MYH6: variants seen among roughly 807,000 people sequenced by gnomAD.
MYH6 encodes the protein myosin heavy chain 6.
In MYH6, 126 loss-of-function variants were observed where a neutral mutation model predicts 223.2. The ratio of observed to expected loss-of-function variants is 0.56; its 90% CI spans 0.49 to 0.65. The LOEUF (loss-of-function observed/expected upper bound fraction) is 0.65. Ranked by LOEUF, MYH6 falls within the 30% of genes least tolerant of loss-of-function variation. The pLI is 0.00. For missense variants in MYH6, 2,040 were observed against 2,536.4 expected (o/e 0.80, Z 4.20); for synonymous variants, 978 against 1,010.2 (o/e 0.97, Z 0.61).
chr14:23,401,942 G>T (rs1231906965), intron 12 of MYH6, among the ~76,000 whole-genome samples: 5 of 152,196 alleles, frequency 3.3e-5, no homozygotes, highest in Non-Finnish European at 7.3e-5. Context: ...TGAAGGTAGG[G>T]AGGAATGTTC....
chr14:23,397,708 G>T, intron 15 of MYH6, 95 bp from the exon 16 acceptor site: 1 of 1,277,092 alleles, frequency 7.8e-7, no homozygotes, highest in South Asian at 1.2e-5. Flanking sequence ...GTAGCTCTGA[G>T]ACTTTGGGCA....
In MYH6 at chr14:23,389,377, C is replaced by G. The variant is rs1891154268; in HGVS notation, c.3978+16G>C. On this transcript the variant is annotated intron_variant, in intron 28 of 38. Transcript: ENST00000405093. ...GGCTGCCATCAAGCCTGCCCACCCT[C>G]CCCACTGGGCCTCACCTTGCCCTCC... The G allele has an allele frequency of 6.2e-7, 1 of 1,613,016 alleles. No individual in the cohort carries two copies. The highest frequency in any genetic ancestry group is 8.5e-7 in the Non-Finnish European group (1 of 1,179,056).
chr14:23,398,824 T>C lies in MYH6; in HGVS notation c.1795A>G (p.Lys599Glu). ...ACAACAGTCTCGTTGAGAGGATCCT[T>C]GTTTTTTTCCAGCCAGCCCAGGATG... is the stretch of plus-strand genomic sequence containing the variant. ...YNILGWLEKN[K>E]DPLNETVVAL... Residue 599 changes from lysine to glutamate, a missense_variant, in exon 15 of 39, where the codon AAG (lysine) becomes GAG (glutamate). This residue lies in a region of MYH6 where 649 missense variants were observed against 877.3 expected (regional missense o/e 0.74). Coordinates refer to ENST00000405093, the MANE Select transcript of MYH6 (RefSeq NM_002471.4). The C allele has an allele frequency of 6.2e-7, 1 of 1,614,188 alleles. No individual in the cohort carries two copies. Among genetic ancestry groups the C allele is most frequent in the Non-Finnish European group, 8.5e-7 (1 of 1,180,022 alleles).
rs779614256 is a variant in MYH6 at position 23,397,062 on chromosome 14, AG to A, written c.2068del (p.Leu690TrpfsTer38). The stretch of plus-strand genomic sequence containing the variant: ...ATTGCAGCGCAGCTGGTGCATGACC[AG>A]GGGGTTGTCCATCACCCCTGTGTCA... ...RKAPGVMDNPLVMHQLRCNGV... is the reference protein window; with the variant it reads ...RKAPGVMDNPXVMHQLRCNGV... On this transcript the variant is annotated frameshift_variant, in exon 18 of 39. Transcript: ENST00000405093. LOFTEE classifies it high-confidence loss of function. 3 of 1,614,092 alleles carry A rather than the reference AG, an allele frequency of 1.9e-6. No individual in the cohort carries two copies. The African/African-American group carries it at 4.0e-5, about 22-fold the overall frequency.
Position 23,400,388 on chromosome 14 carries a change from G to T in MYH6, c.1449C>A (p.Asn483Lys), listed in dbSNP as rs145447555. The change falls in exon 14 of 39, where the codon AAC becomes AAA. Residue 483 changes from asparagine (N) to lysine (K), a missense_variant. This residue lies in a region of MYH6 where 649 missense variants were observed against 877.3 expected (regional missense o/e 0.74). Coordinates refer to ENST00000405093, the MANE Select transcript of MYH6 (RefSeq NM_002471.4). Reference sequence around the variant, plus strand: ...GGTTGAAGAACTGCTGCAGCTTCTCGTTGGTGAAGTTGATGCAGAGCTGCT... The same window carrying T: ...GGTTGAAGAACTGCTGCAGCTTCTCTTTGGTGAAGTTGATGCAGAGCTGCT... ...SFEQLCINFT[N>K]EKLQQFFNHH... 1 of 1,614,196 alleles carries T rather than the reference G, an allele frequency of 6.2e-7. No individual in the cohort carries two copies. The highest frequency in any genetic ancestry group is 8.5e-7 in the Non-Finnish European group (1 of 1,180,030).
rs1213492544 is a variant in MYH6, at chr14:23,382,014, G to T, written c.*26C>A. On this transcript the variant is annotated 3_prime_UTR_variant, in exon 39 of 39. Coordinates refer to ENST00000405093, the MANE Select transcript of MYH6 (RefSeq NM_002471.4). ...TGGCACTCATATTTATTACAGGTTG[G>T]CAAGAGTGAGGTTCCCGAGGCAGTG... 6.2e-7 allele frequency: 1 copy of T among 1,614,004 alleles called. No homozygotes were observed. Among genetic ancestry groups the T allele is most frequent in the Non-Finnish European group, 8.5e-7 (1 of 1,180,026 alleles).
intron 14 of MYH6, 40 bp downstream of exon 14, chr14:23,400,215 TG>T: frequency 6.2e-7 from 1 of 1,614,080 alleles, no homozygotes; most frequent in Non-Finnish European, 8.5e-7. Flanking sequence ...TTTGTCTGGA[TG>T]GCAGAGGAGG....
chr14:23,396,848 G>C (rs763988715), intron 18 of MYH6, 31 bp from the exon 19 acceptor site: 4 of 1,613,668 alleles, frequency 2.5e-6, no homozygotes, highest in Non-Finnish European at 3.4e-6. Context: ...AGTCACCCAT[G>C]CTCTGCAGTG....
rs28730764 is a variant in MYH6, at chr14:23,386,148, T to A, written c.4960-17A>T. ...CTGGGTGTCCTGAGCATCAGGAGAGTGGGTGTGAGCAGAAGCCAGCCTCGG... is the reference window on the plus strand; with the variant it reads ...CTGGGTGTCCTGAGCATCAGGAGAGAGGGTGTGAGCAGAAGCCAGCCTCGG... On this transcript the variant is annotated splice_polypyrimidine_tract_variant and intron_variant, in intron 33 of 38. Coordinates refer to ENST00000405093, the MANE Select transcript of MYH6 (RefSeq NM_002471.4). The A allele has an allele frequency of 0.011, 17,386 of 1,613,188 alleles. 606 individuals carry two copies. In the African/African-American group the frequency reaches 0.12, roughly 11 times the overall value.
intron 32 of MYH6, among the ~76,000 whole-genome samples, chr14:23,387,198 A>T (rs1292477543): frequency 6.6e-6 from 1 of 152,224 alleles, no homozygotes; most frequent in African/African-American, 2.4e-5. Context: ...CTGCAGTGAA[A>T]GTCCTCAAGC....
chr14:23,397,405 A>T, intron 16 of MYH6, 138 bp downstream of exon 16: 1 of 1,269,272 alleles, frequency 7.9e-7, no homozygotes, highest in Non-Finnish European at 1.1e-6. Context: ...CTTTTGTGGA[A>T]TCTACACACT....
rs986795673 is a variant in MYH6 at position 23,388,469 on chromosome 14, C to T, written c.4176-131G>A. On this transcript the variant is annotated intron_variant, in intron 29 of 38. Transcript: ENST00000405093. ...AAGTCCAGCCTAGCAGGAGCTGAGCCTGCTCATGCCTGGAACAGAGTCCGC... is the reference window on the plus strand; with the variant it reads ...AAGTCCAGCCTAGCAGGAGCTGAGCTTGCTCATGCCTGGAACAGAGTCCGC... 3 of 1,418,686 alleles carry T rather than the reference C, an allele frequency of 2.1e-6. No homozygotes were observed. In the African/African-American group the frequency reaches 4.2e-5, roughly 20 times the overall value. The allele number at this position is 1,418,686 out of a possible 1,614,324, so 87.9% of individuals were successfully genotyped here.
At position 23,393,007 on chromosome 14, in the gene MYH6, T is replaced by C; in HGVS notation, c.3156A>G (p.Arg1052=). 1.2e-6 allele frequency: 2 copies of C among 1,614,228 alleles called. No homozygotes were observed. Among genetic ancestry groups the C allele is most frequent in the Non-Finnish European group, 1.7e-6 (2 of 1,180,048 alleles). ...QEKKVRMDLE[R]AKRKLEGDLK... is the part of the protein sequence containing the mutation. ...GGTCGCCCTCCAGTTTCCGCTTTGCTCGCTCCAGGTCCATGCGCACCTTCT... is the reference window on the plus strand; with the variant it reads ...GGTCGCCCTCCAGTTTCCGCTTTGCCCGCTCCAGGTCCATGCGCACCTTCT... The change falls in exon 24 of 39, where the codon CGA becomes CGG. Residue 1052 remains arginine (R), a synonymous_variant. Coordinates refer to ENST00000405093, the MANE Select transcript of MYH6 (RefSeq NM_002471.4).
In MYH6 at chr14:23,407,269, T is replaced by A; in HGVS notation, c.-13-33A>T. 6.2e-7 allele frequency: 1 copy of A among 1,611,400 alleles called. No individual in the cohort carries two copies. The highest frequency in any genetic ancestry group is 8.5e-7 in the Non-Finnish European group (1 of 1,178,298). On this transcript the variant is annotated intron_variant, in intron 2 of 38. Transcript: ENST00000405093. This position sits in a 1 kb window ranked among gnomAD's most constrained non-coding sequence, Gnocchi z 5.6. Reference sequence around the variant, plus strand: ...AGAGACAGGAGGGCTATGTTACTCCTGAGGGAGCCCAGGCTCCAGCGAGTG... The same window carrying A: ...AGAGACAGGAGGGCTATGTTACTCCAGAGGGAGCCCAGGCTCCAGCGAGTG...
Position 23,407,358 on chromosome 14 carries a change from T to C in MYH6, c.-13-122A>G. The C allele has an allele frequency of 1.6e-6, 2 of 1,222,922 alleles. No homozygotes were observed. Among genetic ancestry groups the C allele is most frequent in the Non-Finnish European group, 2.3e-6 (2 of 858,258 alleles). 75.8% of individuals were successfully genotyped at this position (1,222,922 alleles called of 1,614,324 possible). A position where few individuals can be genotyped will look rare whatever the true frequency, so the allele number is the denominator to read the frequency against. On this transcript the variant is annotated intron_variant, in intron 2 of 38. Transcript: ENST00000405093. This position sits in a 1 kb window ranked among gnomAD's most constrained non-coding sequence, Gnocchi z 5.6. ...TCTCCTCCACCCTGGGAGAGGCACC[T>C]GCTGTTGCACCCTCCCCTACTCAGG...
At chr14:23,388,090 C>T in intron 30 of MYH6, 65 bp downstream of exon 30, 1 of 1,611,464 alleles carries the variant, frequency 6.2e-7, no homozygotes, top group South Asian at 1.1e-5. Context: ...TGCCTTTGGC[C>T]TCTCACTGAA....
Position 23,398,816 on chromosome 14 carries a change from A to G in MYH6, c.1803T>C (p.Pro601=), listed in dbSNP as rs768731877. The change falls in exon 15 of 39, where the codon CCT becomes CCC. Residue 601 remains proline (P), a synonymous_variant. Transcript: ENST00000405093. ...ILGWLEKNKD[P]LNETVVALYQ... ...ACAGGGCCACAACAGTCTCGTTGAG[A>G]GGATCCTTGTTTTTTTCCAGCCAGC... 6 of 1,614,144 alleles carry G rather than the reference A, an allele frequency of 3.7e-6. No homozygotes were observed. Among genetic ancestry groups the G allele is most frequent in the Non-Finnish European group, 4.2e-6 (5 of 1,180,022 alleles).
chr14:23,405,547 T>C lies in MYH6; in HGVS notation c.345+80A>G. ...TGGGTCCCTTGGGAGTCTCTCCCCC[T>C]CTTCTTGGGAGAGCCCCCCTGGCTT... On this transcript the variant is annotated intron_variant, in intron 4 of 38. Transcript: ENST00000405093. This position sits in a 1 kb window ranked among gnomAD's most constrained non-coding sequence, Gnocchi z 4.7. 6.2e-7 allele frequency: 1 copy of C among 1,605,496 alleles called. No individual in the cohort carries two copies. The highest frequency in any genetic ancestry group is 8.5e-7 in the Non-Finnish European group (1 of 1,174,572).
In MYH6 at chr14:23,405,033, A is replaced by C; in HGVS notation, c.530+67T>G. ...CAGCCTTAAACCTCTCCTCCCAACTACACCCTAGGCATCAGCGTGTATGCC... is the reference window on the plus strand; with the variant it reads ...CAGCCTTAAACCTCTCCTCCCAACTCCACCCTAGGCATCAGCGTGTATGCC... On this transcript the variant is annotated intron_variant, in intron 6 of 38. Transcript: ENST00000405093. The surrounding 1 kb of genome is among the most constrained non-coding windows in gnomAD (Gnocchi z 4.7). The C allele has an allele frequency of 5.6e-6, 9 of 1,609,344 alleles. No individual in the cohort carries two copies. The highest frequency in any genetic ancestry group is 7.7e-6 in the Non-Finnish European group (9 of 1,176,112).
Sources: gnomAD v4.1 joint callset for allele counts (sites outside exome capture counted in the v4.1 genomes callset) on GRCh38, gnomAD v4.1.1 for gene constraint, gnomAD v4.1.1 regional missense constraint, Gnocchi (gnomAD v3.1) non-coding constraint, MANE v1.5 for transcripts, NCBI Gene and HGNC (gene_info 2026-07-23, HGNC 2026-07-21) for gene names.